Variants in ESR1 observed in about 807,000 individuals in gnomAD.
ESR1 encodes estrogen receptor 1.
Under a neutral mutation model 52.7 loss-of-function variants are expected in ESR1, and 12 were observed. That is an observed-to-expected ratio of 0.23 (90% confidence interval 0.15 to 0.37). The LOEUF is 0.37. ESR1 is among the 10% of genes least tolerant of loss of function. The pLI is 1.00. For synonymous variants in ESR1, 305 were observed against 316.8 expected (o/e 0.96, Z 0.39); for missense variants, 584 against 779.7 (o/e 0.75, Z 2.99).
At chr6:151,836,727 A>G (rs150905504) in intron 1 of ESR1, among the ~76,000 whole-genome samples, 63 of 152,360 alleles carry the variant, frequency 4.1e-4, no homozygotes, top group Non-Finnish European at 8.7e-4. Flanking sequence ...AAAAACAAGT[A>G]TAGGGAATTT....
At chr6:151,866,789 C>T (rs1021973057) in intron 2 of ESR1, among the ~76,000 whole-genome samples, 10 of 152,248 alleles carry the variant, frequency 6.6e-5, no homozygotes, top group East Asian at 3.9e-4. Context: ...AGTAAACATA[C>T]GTGTGCGTGT....
intron 2 of ESR1, among the ~76,000 whole-genome samples, chr6:151,862,674 G>A (rs1005083500): frequency 2.6e-5 from 4 of 152,124 alleles, no homozygotes; most frequent in Admixed American, 1.3e-4. Flanking sequence ...GTTCACCTGC[G>A]GTTTGGGTAC....
intron 2 of ESR1, among the ~76,000 whole-genome samples, chr6:151,759,898 C>A (rs1449731648): frequency 6.6e-6 from 1 of 152,120 alleles, no homozygotes; most frequent in Non-Finnish European, 1.5e-5. Flanking sequence ...CGGTTTTTGC[C>A]ATTCAAAGTA....
intron 6 of ESR1, among the ~76,000 whole-genome samples, chr6:152,116,894 A>G (rs1416755176): frequency 6.6e-6 from 1 of 152,162 alleles, no homozygotes; most frequent in Non-Finnish European, 1.5e-5. Flanking sequence ...ATGGAAACCA[A>G]TTGTTCGGTG....
At chr6:151,966,259 A>C (rs986193319) in intron 4 of ESR1, among the ~76,000 whole-genome samples, 25 of 152,156 alleles carry the variant, frequency 1.6e-4, no homozygotes, top group Admixed American at 4.6e-4. Context: ...TTCTGGTGTC[A>C]CTCTGACTCT....
chr6:151,905,207 A>G (rs559408354), intron 3 of ESR1, among the ~76,000 whole-genome samples: 3 of 152,352 alleles, frequency 2.0e-5, no homozygotes, highest in South Asian at 2.1e-4. Context: ...GCAACTGCTC[A>G]GAAATGAAAC....
chr6:152,033,683 T>A (rs898700311), intron 5 of ESR1, among the ~76,000 whole-genome samples: 1 of 152,226 alleles, frequency 6.6e-6, no homozygotes, highest in African/African-American at 2.4e-5. Flanking sequence ...GGAAGACTTT[T>A]ACACTGTTGG....
intron 1 of ESR1, among the ~76,000 whole-genome samples, chr6:151,823,535 A>G (rs942835064): frequency 2.6e-5 from 4 of 152,020 alleles, no homozygotes; most frequent in Non-Finnish European, 4.4e-5. Flanking sequence ...GGTTTGTTAC[A>G]TATGTATACA....
At chr6:151,863,629 C>G (rs1009425782) in intron 2 of ESR1, among the ~76,000 whole-genome samples, 1 of 152,126 alleles carries the variant, frequency 6.6e-6, no homozygotes, top group Non-Finnish European at 1.5e-5. Context: ...ATTGAATACT[C>G]TTTATTTCTT....
At chr6:151,752,275 T>A (rs2128079836) in intron 2 of ESR1, among the ~76,000 whole-genome samples, 1 of 152,258 alleles carries the variant, frequency 6.6e-6, no homozygotes, top group East Asian at 1.9e-4. Context: ...AAAATCTTAC[T>A]CATACTCTGA....
At chr6:151,970,753 C>T (rs141244586) in intron 4 of ESR1, among the ~76,000 whole-genome samples, 55 of 152,318 alleles carry the variant, frequency 3.6e-4, no homozygotes, top group Non-Finnish European at 7.6e-4. Context: ...TCTCTCTAAA[C>T]TCCTGTTCAA....
At chr6:152,005,118 G>C (rs2042233744) in intron 4 of ESR1, among the ~76,000 whole-genome samples, 2 of 152,078 alleles carry the variant, frequency 1.3e-5, no homozygotes, top group African/African-American at 4.8e-5. Context: ...AGTGTGGAGG[G>C]CTGCTGGGTT....
chr6:151,915,317 T>G (rs1475474075), intron 3 of ESR1, among the ~76,000 whole-genome samples: 1 of 152,216 alleles, frequency 6.6e-6, no homozygotes, highest in Non-Finnish European at 1.5e-5. Context: ...TATTAATTTC[T>G]CCATCTATGT....
chr6:151,770,237 A>T (rs1785405931), intron 2 of ESR1, among the ~76,000 whole-genome samples: 2 of 152,186 alleles, frequency 1.3e-5, no homozygotes, highest in African/African-American at 4.8e-5. Flanking sequence ...AGCATTATGT[A>T]ATCTTAATTT....
Position 151,953,711 on chromosome 6 carries a change from T to TG in ESR1, c.1096+9203_1096+9204insG, listed in dbSNP as rs1554292804. On this transcript the variant is annotated intron_variant, in intron 4 of 7. Coordinates refer to ENST00000206249, the MANE Select transcript of ESR1 (RefSeq NM_000125.4). The stretch of plus-strand genomic sequence containing the variant: ...ACTCCAGCCGGAGTGAGACTCCGTC[T>TG]AAAAAAAAAAAAGAATACAGTGAGG... Among the ~76,000 whole-genome samples, 53 of 142,356 alleles carry TG rather than the reference T, an allele frequency of 3.7e-4. 1 individual carries two copies. Among genetic ancestry groups the TG allele is most frequent in the African/African-American group, 1.3e-3 (51 of 38,928 alleles). 93.4% of individuals were successfully genotyped at this position (142,356 alleles called of 152,430 possible). A position where few individuals can be genotyped will look rare whatever the true frequency, so the allele number is the denominator to read the frequency against.
At chr6:151,969,357 T>A (rs139497117) in intron 4 of ESR1, among the ~76,000 whole-genome samples, 19 of 152,338 alleles carry the variant, frequency 1.2e-4, no homozygotes, top group African/African-American at 4.6e-4. Context: ...AAATTGGCCT[T>A]TATTTTCATG....
At chr6:151,784,413 T>C (rs920763232) in intron 2 of ESR1, among the ~76,000 whole-genome samples, 1 of 152,234 alleles carries the variant, frequency 6.6e-6, no homozygotes, top group African/African-American at 2.4e-5. Context: ...ATAGAGAAGA[T>C]ATGTTTTTAA....
chr6:151,717,592 A>C (rs1436277240), intron 2 of ESR1, among the ~76,000 whole-genome samples: 1 of 152,156 alleles, frequency 6.6e-6, no homozygotes, highest in Non-Finnish European at 1.5e-5. Context: ...TTTTAGCATA[A>C]AGCTAATCCA....
intron 2 of ESR1, among the ~76,000 whole-genome samples, chr6:151,769,293 A>G (rs1785316095): frequency 1.3e-5 from 2 of 152,218 alleles, no homozygotes; most frequent in Admixed American, 1.3e-4. Flanking sequence ...AGCAGCTTCC[A>G]GGAATCTAAG....
Sources: gnomAD v4.1 joint callset for allele counts (sites outside exome capture counted in the v4.1 genomes callset) on GRCh38, gnomAD v4.1.1 for gene constraint, MANE v1.5 for transcripts, NCBI Gene and HGNC (gene_info 2026-07-23, HGNC 2026-07-21) for gene names.